The following SBF2 variants were observed in gnomAD, a reference collection of about 807,000 sequenced individuals.
The protein encoded by SBF2 is SET binding factor 2, also known as myotubularin-related protein 13.
A neutral mutation model predicts 225.2 loss-of-function variants in SBF2; 112 were observed. The observed-to-expected ratio is 0.50, with a 90% CI of 0.43 to 0.58. The LOEUF (loss-of-function observed/expected upper bound fraction) is 0.58. Ranked by LOEUF, SBF2 falls within the 20% of genes least tolerant of loss-of-function variation. The pLI is 0.00. For missense variants in SBF2, 1,996 were observed against 2,206.2 expected (o/e 0.90, Z 1.91); for synonymous variants, 763 against 773.3 (o/e 0.99, Z 0.22).
At chr11:10,068,851 T>A (rs185629587) in intron 2 of SBF2, among the ~76,000 whole-genome samples, 1 of 152,294 alleles carries the variant, frequency 6.6e-6, no homozygotes, top group Non-Finnish European at 1.5e-5. Flanking sequence ...TTATTTTGAA[T>A]TCTTTAAACA....
At chr11:10,082,981 T>G (rs924305042) in intron 2 of SBF2, among the ~76,000 whole-genome samples, 1 of 152,098 alleles carries the variant, frequency 6.6e-6, no homozygotes, top group Non-Finnish European at 1.5e-5. Context: ...TAGAAAACCC[T>G]AAAGACTCCT....
chr11:9,958,904 T>C, intron 16 of SBF2: 1 of 685,956 alleles, frequency 1.5e-6, no homozygotes, highest in Non-Finnish European at 2.7e-6. Flanking sequence ...GGCACTATGA[T>C]GGGCTATAAG....
At chr11:10,023,018 T>C (rs909983566) in intron 6 of SBF2, among the ~76,000 whole-genome samples, 2 of 152,210 alleles carry the variant, frequency 1.3e-5, no homozygotes, top group African/African-American at 4.8e-5. Flanking sequence ...TAACAGCTGT[T>C]GATACTTAGA....
intron 2 of SBF2, among the ~76,000 whole-genome samples, chr11:10,128,524 G>T (rs903767392): frequency 2.6e-5 from 4 of 152,132 alleles, no homozygotes; most frequent in African/African-American, 7.2e-5. Context: ...ATATCAATCT[G>T]TTTCAGTCCC....
intron 13 of SBF2, among the ~76,000 whole-genome samples, chr11:9,971,896 C>A (rs1335769577): frequency 6.6e-6 from 1 of 151,974 alleles, no homozygotes; most frequent in Non-Finnish European, 1.5e-5. Flanking sequence ...TAATACAGTA[C>A]AACAACTGTT....
intron 16 of SBF2, among the ~76,000 whole-genome samples, chr11:9,949,969 A>C (rs180836726): frequency 7.4e-4 from 113 of 152,308 alleles, no homozygotes; most frequent in Non-Finnish European, 1.2e-3. Flanking sequence ...GTTGCACATG[A>C]TAAATATACA....
In SBF2 at chr11:10,279,413, C is replaced by CAA. The variant is rs775262387; in HGVS notation, c.55+14600_55+14601dup. ...GGGCAACAAGAGCGAGACTCCATCT[C>CAA]AAAAAAAAAAAAAAAAGTTATTTCA... On this transcript the variant is annotated intron_variant, in intron 1 of 39. Transcript: ENST00000256190. Among the ~76,000 whole-genome samples the CAA allele has an allele frequency of 5.0e-3, 570 of 114,438 alleles. 7 individuals carry two copies. Among genetic ancestry groups the CAA allele is most frequent in the Non-Finnish European group, 7.4e-3 (415 of 55,822 alleles). 75.1% of individuals were successfully genotyped at this position (114,438 alleles called of 152,430 possible).
At chr11:9,965,497 A>G (rs1454317289) in intron 14 of SBF2, among the ~76,000 whole-genome samples, 1 of 152,112 alleles carries the variant, frequency 6.6e-6, no homozygotes, top group Non-Finnish European at 1.5e-5. Context: ...TATGTTGCTC[A>G]GGCTAGTCTT....
chr11:10,261,831 C>T (rs1186842396), intron 1 of SBF2, among the ~76,000 whole-genome samples: 2 of 152,112 alleles, frequency 1.3e-5, no homozygotes, highest in African/African-American at 2.4e-5. Flanking sequence ...TGTGGATATA[C>T]TTCAAAAACA....
chr11:9,951,799 T>A (rs1865876788), intron 16 of SBF2, among the ~76,000 whole-genome samples: 2 of 151,664 alleles, frequency 1.3e-5, no homozygotes, highest in Non-Finnish European at 2.9e-5. Context: ...CAAGAAAAAA[T>A]GGAAAATGAA....
rs1303293216 is a variant in SBF2, at chr11:9,937,700, T to C, written c.1860+24257A>G. Reference sequence around the variant, plus strand: ...AAAACTTTCTTTTGAATTGGTATTATTGCATGTCTAGAAAACCCAAGAAAC... The same window carrying C: ...AAAACTTTCTTTTGAATTGGTATTACTGCATGTCTAGAAAACCCAAGAAAC... On this transcript the variant is annotated intron_variant, in intron 16 of 39. Transcript: ENST00000256190. Among the ~76,000 whole-genome samples the C allele has an allele frequency of 3.3e-5, 5 of 152,114 alleles. No individual in the cohort carries two copies. The South Asian group carries it at 6.2e-4, about 19-fold the overall frequency.
intron 1 of SBF2, among the ~76,000 whole-genome samples, chr11:10,275,227 A>G (rs553951048): frequency 1.3e-5 from 2 of 152,342 alleles, no homozygotes; most frequent in East Asian, 3.9e-4. Context: ...ACACCAGACA[A>G]TCAATCTGAA....
chr11:9,865,685 T>C (rs1478684863), intron 17 of SBF2, among the ~76,000 whole-genome samples: 1 of 28,378 alleles, frequency 3.5e-5, no homozygotes, highest in Non-Finnish European at 5.2e-5. Flanking sequence ...AGCAAAACTG[T>C]CTCAAAAAAA....
chr11:10,156,206 C>G (rs964961708), intron 2 of SBF2, among the ~76,000 whole-genome samples: 16 of 152,240 alleles, frequency 1.1e-4, no homozygotes, highest in Non-Finnish European at 2.4e-4. Context: ...CTGTCGCCAC[C>G]TGGCCAGGTG....
chr11:10,185,010 G>T (rs1348174332), intron 2 of SBF2, among the ~76,000 whole-genome samples: 1 of 151,992 alleles, frequency 6.6e-6, no homozygotes, highest in East Asian at 1.9e-4. Flanking sequence ...TGTCCCCAAG[G>T]TTCATCCTTC....
In SBF2 at chr11:9,863,727, A is replaced by T. The variant is rs574172402; in HGVS notation, c.1930-5331T>A. Reference sequence around the variant, plus strand: ...AACCTGGCTTTATCAAATCTTAAACATATTTGCTTTGTCCCTCCCTCTCTC... The same window carrying T: ...AACCTGGCTTTATCAAATCTTAAACTTATTTGCTTTGTCCCTCCCTCTCTC... On this transcript the variant is annotated intron_variant, in intron 17 of 39. Transcript: ENST00000256190. Among the ~76,000 whole-genome samples the T allele has an allele frequency of 5.3e-5, 8 of 151,156 alleles. No homozygotes were observed. The South Asian group carries it at 1.7e-3, about 32-fold the overall frequency.
At chr11:10,085,136 C>T (rs115083861) in intron 2 of SBF2, among the ~76,000 whole-genome samples, 1 of 152,142 alleles carries the variant, frequency 6.6e-6, no homozygotes, top group African/African-American at 2.4e-5. Context: ...ATGGGAAATT[C>T]CCAGATTAAG....
At chr11:10,027,648 T>A (rs577852565) in intron 6 of SBF2, among the ~76,000 whole-genome samples, 1 of 152,286 alleles carries the variant, frequency 6.6e-6, no homozygotes, top group African/African-American at 2.4e-5. Flanking sequence ...AAGTCAGAGG[T>A]AACGTAAATG....
chr11:10,143,003 G>A (rs142667429), intron 2 of SBF2, among the ~76,000 whole-genome samples: 2 of 152,248 alleles, frequency 1.3e-5, no homozygotes, highest in Non-Finnish European at 2.9e-5. Flanking sequence ...TAAGGGTATA[G>A]GTACTATTAA....
Sources: allele counts gnomAD v4.1 joint callset (sites outside exome capture counted in the v4.1 genomes callset), GRCh38; gene constraint gnomAD v4.1.1; transcripts MANE v1.5; gene names NCBI Gene and HGNC (gene_info 2026-07-23, HGNC 2026-07-21).